The following FARS2 variants were observed in gnomAD, a reference collection of about 807,000 sequenced individuals.
FARS2 encodes phenylalanyl-tRNA synthetase 2, mitochondrial.
Under a neutral mutation model 46.4 loss-of-function variants are expected in FARS2, and 40 were observed. That is an observed-to-expected ratio of 0.86 (90% CI 0.67 to 1.12). FARS2 has a LOEUF of 1.12. Among genes scored for constraint, FARS2 ranks in the 50% most tolerant of loss-of-function variants. The pLI is 0.00. For synonymous variants in FARS2, 234 were observed against 214.9 expected, an observed-to-expected ratio of 1.09 and a Z score of -0.78; for missense variants, 513 against 567.9, an observed-to-expected ratio of 0.90 and a Z score of 0.98.
chr6:5,345,382 C>T (rs76272226), intron 1 of FARS2, among the ~76,000 whole-genome samples: 1,673 of 152,194 alleles, frequency 0.011, 37 homozygotes, highest in African/African-American at 0.038. Flanking sequence ...CAGAAAGACC[C>T]AGGACTGCAG....
chr6:5,609,039 T>C (rs6597149), intron 5 of FARS2, among the ~76,000 whole-genome samples: 79,596 of 151,992 alleles, frequency 0.52, 22,003 homozygotes, highest in East Asian at 0.65. Flanking sequence ...TAACCTGTTG[T>C]ACAGTTAGTC....
chr6:5,492,095 G>A (rs1320923072), intron 4 of FARS2, among the ~76,000 whole-genome samples: 1 of 152,158 alleles, frequency 6.6e-6, no homozygotes, highest in Non-Finnish European at 1.5e-5. Flanking sequence ...AACGGTATGT[G>A]CATAGATTTT....
At chr6:5,753,759 T>C (rs545665498) in intron 6 of FARS2, among the ~76,000 whole-genome samples, 1 of 152,330 alleles carries the variant, frequency 6.6e-6, no homozygotes, top group South Asian at 2.1e-4. Context: ...AAATCAAATA[T>C]GGTCAACGTA....
intron 4 of FARS2, among the ~76,000 whole-genome samples, chr6:5,530,151 G>T (rs760167638): frequency 6.6e-6 from 1 of 152,078 alleles, no homozygotes; most frequent in Non-Finnish European, 1.5e-5. Context: ...AGTAAGCATC[G>T]GGGTCTCCAG....
At chr6:5,705,599 G>T (rs1350293848) in intron 6 of FARS2, among the ~76,000 whole-genome samples, 1 of 152,168 alleles carries the variant, frequency 6.6e-6, no homozygotes, top group Admixed American at 6.5e-5. Flanking sequence ...CAGTGCTTCC[G>T]CATTCTCCCC....
intron 2 of FARS2, among the ~76,000 whole-genome samples, chr6:5,404,042 C>G (rs1761412668): frequency 6.6e-6 from 1 of 152,220 alleles, no homozygotes; most frequent in Non-Finnish European, 1.5e-5. Flanking sequence ...TACTGTATCA[C>G]TTGCCTAAGT....
chr6:5,438,027 A>G (rs1482995817), intron 4 of FARS2, among the ~76,000 whole-genome samples: 1 of 152,094 alleles, frequency 6.6e-6, no homozygotes, highest in Admixed American at 6.6e-5. Context: ...TATTGAATAT[A>G]GAATTCCGGA....
intron 6 of FARS2, among the ~76,000 whole-genome samples, chr6:5,669,779 C>G (rs1291788449): frequency 1.3e-5 from 2 of 152,116 alleles, no homozygotes; most frequent in Admixed American, 1.3e-4. Flanking sequence ...ACCTTCTCAC[C>G]TGCAAGAGCA....
intron 4 of FARS2, among the ~76,000 whole-genome samples, chr6:5,469,152 T>A (rs190122107): frequency 1.2e-4 from 18 of 152,348 alleles, no homozygotes; most frequent in African/African-American, 4.3e-4. Flanking sequence ...TTCCAGCGAC[T>A]GTTTCTTGGG....
At chr6:5,430,674 A>G (rs1017299851) in intron 3 of FARS2, among the ~76,000 whole-genome samples, 1 of 152,038 alleles carries the variant, frequency 6.6e-6, no homozygotes, top group Non-Finnish European at 1.5e-5. Flanking sequence ...GTAAAAATAT[A>G]CTCTCTTTAA....
At chr6:5,642,218 T>C (rs1199352970) in intron 6 of FARS2, among the ~76,000 whole-genome samples, 1 of 152,198 alleles carries the variant, frequency 6.6e-6, no homozygotes, top group Non-Finnish European at 1.5e-5. Flanking sequence ...ACACAATACA[T>C]ATTTTAGACG....
chr6:5,478,101 C>T (rs1766233239), intron 4 of FARS2, among the ~76,000 whole-genome samples: 1 of 114,712 alleles, frequency 8.7e-6, no homozygotes, highest in African/African-American at 3.4e-5. Flanking sequence ...ACACTTAGTG[C>T]TTGGCACATA....
intron 6 of FARS2, among the ~76,000 whole-genome samples, chr6:5,761,753 A>G (rs1762485313): frequency 6.6e-6 from 1 of 152,052 alleles, no homozygotes; most frequent in African/African-American, 2.4e-5. Context: ...GGAATAGTTG[A>G]AAAGAATGTG....
chr6:5,640,322 C>T (rs769202726), intron 6 of FARS2, among the ~76,000 whole-genome samples: 1 of 152,114 alleles, frequency 6.6e-6, no homozygotes, highest in Non-Finnish European at 1.5e-5. Context: ...TAAGGTCTCA[C>T]GGCCATTAAG....
chr6:5,305,772 T>A (rs1455700311), intron 1 of FARS2, among the ~76,000 whole-genome samples: 1 of 152,100 alleles, frequency 6.6e-6, no homozygotes, highest in East Asian at 1.9e-4. Context: ...CCCCTACAAG[T>A]GTGTATTTGG....
intron 6 of FARS2, among the ~76,000 whole-genome samples, chr6:5,615,324 A>G (rs575869848): frequency 3.3e-5 from 5 of 152,086 alleles, no homozygotes; most frequent in African/African-American, 4.8e-5. Context: ...TTCATTTGGT[A>G]TGCTCTCCTC....
intron 5 of FARS2, 44 bp downstream of exon 5, chr6:5,545,384 C>G (rs758353867): frequency 7.4e-6 from 11 of 1,476,936 alleles, no homozygotes; most frequent in Non-Finnish European, 1.0e-5. Flanking sequence ...ATAAAAATGG[C>G]TGTCAAGGAT....
chr6:5,411,137 G>C (rs986793056), intron 3 of FARS2, among the ~76,000 whole-genome samples: 3 of 152,182 alleles, frequency 2.0e-5, no homozygotes, highest in African/African-American at 7.2e-5. Context: ...ATCAGGGCCA[G>C]GCCCAATGGC....
At chr6:5,287,013 C>G (rs942037961) in intron 1 of FARS2, among the ~76,000 whole-genome samples, 1 of 152,240 alleles carries the variant, frequency 6.6e-6, no homozygotes, top group Admixed American at 6.5e-5. Context: ...CTGTGGAGCA[C>G]AGAGCATGGC....
Sources: gnomAD v4.1 joint callset for allele counts (sites outside exome capture counted in the v4.1 genomes callset) on GRCh38, gnomAD v4.1.1 for gene constraint, MANE v1.5 for transcripts, NCBI Gene and HGNC (gene_info 2026-07-23, HGNC 2026-07-21) for gene names.